The following VPS26C variants were observed in gnomAD, a reference collection of about 807,000 sequenced individuals.
The protein encoded by VPS26C is VPS26 endosomal protein sorting factor C, also known as vacuolar protein sorting-associated protein 26C.
A neutral mutation model predicts 30.6 loss-of-function variants in VPS26C; 19 were observed. The observed-to-expected ratio is 0.62, with a 90% CI of 0.43 to 0.91. The LOEUF is 0.91. Ranked by LOEUF, VPS26C falls within the 40% of genes least tolerant of loss-of-function variation. The probability of loss-of-function intolerance (pLI) is 0.00; values close to 1 mark genes in which losing one functional copy is unlikely to be tolerated. For missense variants in VPS26C, 318 were observed against 385.1 expected (o/e 0.83, Z 1.46); for synonymous variants, 132 against 151.5 (o/e 0.87, Z 0.95).
rs11300896 is a variant in VPS26C, at chr21:37,227,633, TG to T, written c.811+20del. 1 allele frequency: 1,611,156 copies of T among 1,611,158 alleles called. 805,577 individuals are homozygous for T. Among genetic ancestry groups the T allele is most frequent in the Middle Eastern group, 1 (5,990 of 5,990 alleles). On this transcript the variant is annotated intron_variant, in intron 7 of 7. Coordinates refer to ENST00000309117, the MANE Select transcript of VPS26C (RefSeq NM_006052.2). The stretch of plus-strand genomic sequence containing the variant: ...GCCCTTCCCATGGGCCCATGAGGGC[TG>T]GGAGGCGAGTGCCACTTACCCACTT...
At chr21:37,235,894 TA>T (rs1235008494) in intron 3 of VPS26C, among the ~76,000 whole-genome samples, 27 of 147,010 alleles carry the variant, frequency 1.8e-4, no homozygotes, top group African/African-American at 6.5e-4. Context: ...TTTTTTTAAT[TA>T]AAAAATTTTT....
At chr21:37,243,131 G>A (rs1362725020) in intron 1 of VPS26C, among the ~76,000 whole-genome samples, 1 of 152,110 alleles carries the variant, frequency 6.6e-6, no homozygotes, top group Non-Finnish European at 1.5e-5. Context: ...GGATACACTG[G>A]TAGAACAGAC....
intron 7 of VPS26C, chr21:37,225,854 G>T: frequency 1.7e-6 from 1 of 571,972 alleles, no homozygotes; most frequent in African/African-American, 1.9e-5. Flanking sequence ...GTGAATTTTT[G>T]TCCTCTCATC....
rs750924381 is a variant in VPS26C at position 37,235,283 on chromosome 21, C to G, written c.352-1841G>C. On this transcript the variant is annotated intron_variant, in intron 3 of 7. Coordinates refer to ENST00000309117, the MANE Select transcript of VPS26C (RefSeq NM_006052.2). Reference sequence around the variant, plus strand: ...AAAGTGCTGGGATTACAGGTGTGAGCCACCGTGCCTGGCCTAATTTTTGTA... The same window carrying G: ...AAAGTGCTGGGATTACAGGTGTGAGGCACCGTGCCTGGCCTAATTTTTGTA... Among the ~76,000 whole-genome samples the G allele has an allele frequency of 2.2e-4, 34 of 152,278 alleles. 1 individual carries two copies. The highest frequency in any genetic ancestry group is 4.7e-4 in the Non-Finnish European group (32 of 68,020).
At chr21:37,266,566 T>G (rs933698610) in intron 1 of VPS26C, among the ~76,000 whole-genome samples, 28 of 152,150 alleles carry the variant, frequency 1.8e-4, no homozygotes, top group Admixed American at 6.5e-5. Flanking sequence ...TACAACACCC[T>G]CATTTGCAAA....
At chr21:37,227,841 C>T (rs762899894) in intron 6 of VPS26C, 35 bp from the exon 7 acceptor site, 5 of 1,497,290 alleles carry the variant, frequency 3.3e-6, no homozygotes, top group Non-Finnish European at 4.4e-6. Flanking sequence ...CGGTCAGGGC[C>T]AGCAGAGGCT....
intron 3 of VPS26C, among the ~76,000 whole-genome samples, chr21:37,236,910 A>T (rs374823675): frequency 6.6e-6 from 1 of 152,220 alleles, no homozygotes; most frequent in Non-Finnish European, 1.5e-5. Flanking sequence ...TCCAATGTAC[A>T]CACAGCTCTG....
rs1331671322 is a variant in VPS26C at position 37,225,023 on chromosome 21, A to G, written c.*521T>C. 1 of 156,688 alleles carries G rather than the reference A, an allele frequency of 6.4e-6. No homozygotes were observed. The highest frequency in any genetic ancestry group is 1.4e-5 in the Non-Finnish European group (1 of 70,372). 9.7% of individuals were successfully genotyped at this position (156,688 alleles called of 1,614,324 possible). ...AATAGAGTAGGGGTGGAGGGAAGTC[A>G]TGCATTTCCAGTGGCTAGCACTTTG... On this transcript the variant is annotated 3_prime_UTR_variant, in exon 8 of 8. Transcript: ENST00000309117.
intron 1 of VPS26C, among the ~76,000 whole-genome samples, chr21:37,253,160 C>A (rs2086210675): frequency 6.6e-6 from 1 of 152,208 alleles, no homozygotes; most frequent in Non-Finnish European, 1.5e-5. Context: ...AGCAATGAAA[C>A]TGTAACAAAA....
At position 37,226,844 on chromosome 21, in the gene VPS26C, C is replaced by A. The variant is rs1332651120; in HGVS notation, c.811+810G>T. 1.3e-5 allele frequency: 2 copies of A among 152,236 alleles called. No homozygotes were observed. Among genetic ancestry groups the A allele is most frequent in the East Asian group, 3.8e-4 (2 of 5,196 alleles). 9.4% of individuals were successfully genotyped at this position (152,236 alleles called of 1,614,324 possible). On this transcript the variant is annotated intron_variant, in intron 7 of 7. Coordinates refer to ENST00000309117, the MANE Select transcript of VPS26C (RefSeq NM_006052.2). This position sits in a 1 kb window ranked among gnomAD's most constrained non-coding sequence, Gnocchi z 4.1. ...TCCCCGAGCCTCTCTGAATCACAGT[C>A]CCCTGCTACTGAGAAGGCTCGGTCC...
chr21:37,265,792 C>G (rs1461947437), intron 1 of VPS26C, among the ~76,000 whole-genome samples: 2 of 151,908 alleles, frequency 1.3e-5, no homozygotes, highest in Non-Finnish European at 2.9e-5. Flanking sequence ...TGCATCATGC[C>G]AAGGGGTACC....
chr21:37,241,339 G>A (rs2086085274), intron 1 of VPS26C, among the ~76,000 whole-genome samples: 1 of 152,172 alleles, frequency 6.6e-6, no homozygotes, highest in Non-Finnish European at 1.5e-5. Context: ...GCATTTATCT[G>A]AAGATAATTA....
At position 37,223,928 on chromosome 21, in the gene VPS26C, T is replaced by C. The variant is rs1357881851; in HGVS notation, c.*1616A>G. The C allele has an allele frequency of 6.6e-6, 1 of 152,258 alleles. No individual in the cohort carries two copies. The highest frequency in any genetic ancestry group is 1.5e-5 in the Non-Finnish European group (1 of 68,068). The allele number at this position is 152,258 out of a possible 1,614,324, so 9.4% of individuals were successfully genotyped here. The stretch of plus-strand genomic sequence containing the variant: ...GCTTATTTTGAGGTCCTATTAGTTG[T>C]GGGCCAACAAAACAGTGGCAGGATT... On this transcript the variant is annotated 3_prime_UTR_variant, in exon 8 of 8. Transcript: ENST00000309117.
At chr21:37,234,169 A>G (rs970584466) in intron 3 of VPS26C, among the ~76,000 whole-genome samples, 9 of 152,198 alleles carry the variant, frequency 5.9e-5, no homozygotes, top group African/African-American at 1.9e-4. Flanking sequence ...CCACACATCC[A>G]TCAACCAACT....
chr21:37,229,031 AAC>A (rs1183194060), intron 5 of VPS26C: 2 of 152,270 alleles, frequency 1.3e-5, no homozygotes, highest in Admixed American at 6.5e-5. Context: ...TAAAAAAAAA[AAC>A]ATTCAAAGAT....
intron 1 of VPS26C, chr21:37,261,385 T>C (rs2086302022): frequency 6.6e-6 from 1 of 152,202 alleles, no homozygotes; most frequent in Non-Finnish European, 1.5e-5. Context: ...ATGTTTCTTT[T>C]AGTAGCTTCA....
At chr21:37,229,542 G>C (rs2085940374) in intron 5 of VPS26C, 1 of 152,140 alleles carries the variant, frequency 6.6e-6, no homozygotes, top group African/African-American at 2.4e-5. Context: ...ATATAATTTG[G>C]AATTTTCTGG....
Position 37,236,614 on chromosome 21 carries a change from GA to G in VPS26C, c.351+1845del, listed in dbSNP as rs1325454631. ...CTGAAACTAACTTTAAAATGATTTAGAAAAAAATCTAAATTTTTAGGTGAAC... is the reference window on the plus strand; with the variant it reads ...CTGAAACTAACTTTAAAATGATTTAGAAAAAATCTAAATTTTTAGGTGAAC... On this transcript the variant is annotated intron_variant, in intron 3 of 7. Transcript: ENST00000309117. Among the ~76,000 whole-genome samples the G allele has an allele frequency of 1.3e-5, 2 of 152,110 alleles. 1 individual carries two copies. Among genetic ancestry groups the G allele is most frequent in the Admixed American group, 1.3e-4 (2 of 15,276 alleles).
rs2085900175 is a variant in VPS26C at position 37,226,432 on chromosome 21, G to C, written c.812-806C>G. ...CGCCCAAACATCAGCCACAAGAAGA[G>C]TCGGCCACCAGCAGTGGCCGGCCTG... On this transcript the variant is annotated intron_variant, in intron 7 of 7. Transcript: ENST00000309117. The surrounding 1 kb of genome is among the most constrained non-coding windows in gnomAD (Gnocchi z 4.1). The C allele has an allele frequency of 6.6e-6, 1 of 152,316 alleles. No homozygotes were observed. The highest frequency in any genetic ancestry group is 1.5e-5 in the Non-Finnish European group (1 of 68,134). 9.4% of individuals were successfully genotyped at this position (152,316 alleles called of 1,614,324 possible). A position where few individuals can be genotyped will look rare whatever the true frequency, so the allele number is the denominator to read the frequency against.
Sources: allele counts gnomAD v4.1 joint callset (sites outside exome capture counted in the v4.1 genomes callset), GRCh38; gene constraint gnomAD v4.1.1; non-coding constraint Gnocchi (gnomAD v3.1); transcripts MANE v1.5; gene names NCBI Gene and HGNC (gene_info 2026-07-23, HGNC 2026-07-21).